FSTL5: variants seen among roughly 807,000 people sequenced by gnomAD.
FSTL5 encodes follistatin-related protein 5.
Under a neutral mutation model 89.1 loss-of-function variants are expected in FSTL5, and 62 were observed. The ratio of observed to expected loss-of-function variants is 0.70; its 90% confidence interval spans 0.57 to 0.86. FSTL5 has a LOEUF of 0.86. Ranked by LOEUF, FSTL5 falls within the 40% of genes least tolerant of loss-of-function variation. The pLI, the probability that FSTL5 is intolerant of heterozygous loss-of-function variation, is 0.00. For synonymous variants in FSTL5, 383 were observed against 346.2 expected, an observed-to-expected ratio of 1.11 and a Z score of -1.18; for missense variants, 1,057 against 1,001.6, an observed-to-expected ratio of 1.06 and a Z score of -0.75.
chr4:161,843,127 C>A (rs149381314), intron 4 of FSTL5, among the ~76,000 whole-genome samples: 16 of 152,234 alleles, frequency 1.1e-4, no homozygotes, highest in African/African-American at 3.1e-4. Context: ...GAATAACCAT[C>A]ACATTATTCA....
At chr4:161,842,669 T>C (rs1018870097) in intron 4 of FSTL5, among the ~76,000 whole-genome samples, 6 of 152,116 alleles carry the variant, frequency 3.9e-5, no homozygotes, top group Non-Finnish European at 7.4e-5. Flanking sequence ...AAAGAAACAA[T>C]ATGCAATCTG....
intron 2 of FSTL5, among the ~76,000 whole-genome samples, chr4:162,057,481 T>C (rs1463273316): frequency 6.6e-6 from 1 of 152,216 alleles, no homozygotes; most frequent in African/African-American, 2.4e-5. Context: ...AGTTTTTGCA[T>C]TGGGCATAAT....
intron 3 of FSTL5, among the ~76,000 whole-genome samples, chr4:161,965,428 A>G (rs1231468173): frequency 2.0e-5 from 3 of 152,144 alleles, no homozygotes; most frequent in Non-Finnish European, 2.9e-5. Context: ...AGAAAGGGTG[A>G]CAATTGATCT....
intron 3 of FSTL5, among the ~76,000 whole-genome samples, chr4:161,974,261 T>C (rs1560946122): frequency 6.6e-6 from 1 of 152,096 alleles, no homozygotes; most frequent in African/African-American, 2.4e-5. Context: ...AAAACTACTT[T>C]AAAGTTCACA....
At chr4:162,087,218 AT>A in intron 2 of FSTL5, among the ~76,000 whole-genome samples, 1 of 152,228 alleles carries the variant, frequency 6.6e-6, no homozygotes, top group Non-Finnish European at 1.5e-5. Flanking sequence ...AGTAATTCAA[AT>A]TCCACCCAAA....
intron 3 of FSTL5, among the ~76,000 whole-genome samples, chr4:162,029,385 T>A (rs900202619): frequency 6.6e-6 from 1 of 152,292 alleles, no homozygotes; most frequent in African/African-American, 2.4e-5. Flanking sequence ...ACTTGTCTCA[T>A]TGAGCTTATA....
chr4:161,571,107 T>A (rs1455267359), intron 8 of FSTL5, among the ~76,000 whole-genome samples: 4 of 145,738 alleles, frequency 2.7e-5, no homozygotes, highest in South Asian at 4.4e-4. Flanking sequence ...AGACTCCGTT[T>A]AAAAAAAAAA....
At chr4:161,606,283 C>CG (rs1287852629) in intron 7 of FSTL5, among the ~76,000 whole-genome samples, 1 of 136,940 alleles carries the variant, frequency 7.3e-6, no homozygotes, top group Non-Finnish European at 1.5e-5. Context: ...CTCACGCTGA[C>CG]GCCAGGCTGG....
At chr4:161,900,638 CAA>C (rs58702301) in intron 4 of FSTL5, among the ~76,000 whole-genome samples, 1 of 65,300 alleles carries the variant, frequency 1.5e-5, no homozygotes, top group Admixed American at 1.9e-4. Flanking sequence ...GACTCCATCT[CAA>C]AAAAAAAAAA....
At chr4:161,955,879 A>AGG (rs1735014594) in intron 3 of FSTL5, among the ~76,000 whole-genome samples, 1 of 151,746 alleles carries the variant, frequency 6.6e-6, no homozygotes, top group African/African-American at 2.4e-5. Context: ...TTTCAAGGAG[A>AGG]GAGGTGGTTT....
chr4:162,047,037 A>G (rs1249309603), intron 2 of FSTL5, among the ~76,000 whole-genome samples: 1 of 152,178 alleles, frequency 6.6e-6, no homozygotes, highest in East Asian at 1.9e-4. Flanking sequence ...TTGCACAAAA[A>G]TAACTATACT....
At chr4:161,906,733 T>A (rs909845932) in intron 4 of FSTL5, among the ~76,000 whole-genome samples, 1 of 152,172 alleles carries the variant, frequency 6.6e-6, no homozygotes, top group African/African-American at 2.4e-5. Flanking sequence ...ATATTGCTTA[T>A]ACGATAATGT....
At chr4:161,721,929 C>A (rs1579047668) in intron 6 of FSTL5, among the ~76,000 whole-genome samples, 1 of 151,750 alleles carries the variant, frequency 6.6e-6, no homozygotes, top group East Asian at 1.9e-4. Context: ...TAGTGGTGAG[C>A]CAGAGGTCAA....
intron 6 of FSTL5, among the ~76,000 whole-genome samples, chr4:161,665,896 G>C (rs116778286): frequency 6.6e-6 from 1 of 151,608 alleles, no homozygotes; most frequent in African/African-American, 2.4e-5. Flanking sequence ...AGAAGAAGAA[G>C]AAAAAGCATT....
chr4:162,122,638 T>C (rs1394167709), intron 1 of FSTL5, among the ~76,000 whole-genome samples: 1 of 152,100 alleles, frequency 6.6e-6, no homozygotes, highest in Non-Finnish European at 1.5e-5. Context: ...CATCTGTATG[T>C]CATAGTAATA....
chr4:161,546,265 T>C (rs950675217), intron 8 of FSTL5, among the ~76,000 whole-genome samples: 10 of 147,892 alleles, frequency 6.8e-5, no homozygotes, highest in Non-Finnish European at 1.5e-4. Context: ...TTAAGAATAC[T>C]ATAAATATGC....
At chr4:161,918,786 G>A (rs755005101) in intron 4 of FSTL5, among the ~76,000 whole-genome samples, 2 of 151,924 alleles carry the variant, frequency 1.3e-5, no homozygotes, top group Non-Finnish European at 2.9e-5. Context: ...CTGGGATAGA[G>A]GCACCCGCCA....
intron 7 of FSTL5, among the ~76,000 whole-genome samples, chr4:161,611,940 G>C (rs1734670566): frequency 6.6e-6 from 1 of 151,562 alleles, no homozygotes; most frequent in African/African-American, 2.4e-5. Flanking sequence ...TTCAGGGCTA[G>C]ATGAGTTCAT....
chr4:161,640,515 T>A (rs1288010930), intron 7 of FSTL5, among the ~76,000 whole-genome samples: 1 of 151,938 alleles, frequency 6.6e-6, no homozygotes, highest in Non-Finnish European at 1.5e-5. Flanking sequence ...ATATAGCAAC[T>A]AAAATGAAAA....
Sources: allele counts gnomAD v4.1 joint callset (sites outside exome capture counted in the v4.1 genomes callset), GRCh38; gene constraint gnomAD v4.1.1; transcripts MANE v1.5; gene names NCBI Gene and HGNC (gene_info 2026-07-23, HGNC 2026-07-21).